The following NSUN2 variants were observed in gnomAD, a reference collection of about 807,000 sequenced individuals.
NSUN2 encodes the protein RNA cytosine C(5)-methyltransferase NSUN2.
A neutral mutation model predicts 92.7 loss-of-function variants in NSUN2; 63 were observed. The ratio of observed to expected loss-of-function variants is 0.68; its 90% CI spans 0.56 to 0.84. The LOEUF is 0.84. Among genes scored for constraint, NSUN2 ranks in the 40% least tolerant of loss-of-function variants. The pLI is 0.00. For missense variants in NSUN2, 989 were observed against 964.9 expected (o/e 1.02, Z -0.33); for synonymous variants, 356 against 348.3 (o/e 1.02, Z -0.25).
chr5:6,607,109 C>A (rs1736807815), intron 13 of NSUN2, 91 bp downstream of exon 13: 5 of 1,376,110 alleles, frequency 3.6e-6, no homozygotes, highest in Non-Finnish European at 5.1e-6. Context: ...CCCCCTCAAA[C>A]CGACCAAGAA....
chr5:6,627,061 G>A (rs1361363892), intron 3 of NSUN2, among the ~76,000 whole-genome samples: 4 of 152,076 alleles, frequency 2.6e-5, no homozygotes, highest in Non-Finnish European at 5.9e-5. Flanking sequence ...AGACGAAACT[G>A]GCTGAATCTG....
At chr5:6,613,746 T>C (rs571149259) in intron 9 of NSUN2, among the ~76,000 whole-genome samples, 2 of 152,288 alleles carry the variant, frequency 1.3e-5, no homozygotes, top group East Asian at 1.9e-4. Flanking sequence ...CATTACCTTG[T>C]CAATTGGTTC....
chr5:6,615,661 C>A (rs551739689), intron 9 of NSUN2, among the ~76,000 whole-genome samples: 1 of 152,208 alleles, frequency 6.6e-6, no homozygotes, highest in African/African-American at 2.4e-5. Flanking sequence ...ACCAGCCAGC[C>A]GCCAAGGGGA....
intron 6 of NSUN2, 80 bp downstream of exon 6, chr5:6,621,936 G>A: frequency 5.7e-6 from 7 of 1,238,876 alleles, no homozygotes; most frequent in Non-Finnish European, 8.3e-6. Flanking sequence ...CAAATTAGCA[G>A]GCAAAGTTAG....
rs959201383 is a variant in NSUN2 at position 6,599,350 on chromosome 5, T to C, written c.*576A>G. 1.3e-5 allele frequency: 2 copies of C among 152,616 alleles called. No individual in the cohort carries two copies. Among genetic ancestry groups the C allele is most frequent in the Non-Finnish European group, 2.9e-5 (2 of 68,056 alleles). 9.5% of individuals were successfully genotyped at this position (152,616 alleles called of 1,614,324 possible). Reference sequence around the variant, plus strand: ...CACATAAGTCCCCCTCAATAATTAGTATGACAATTCACGATACAGCTCTTA... The same window carrying C: ...CACATAAGTCCCCCTCAATAATTAGCATGACAATTCACGATACAGCTCTTA... On this transcript the variant is annotated 3_prime_UTR_variant, in exon 19 of 19. Transcript: ENST00000264670.
chr5:6,600,012 C>G lies in NSUN2; in HGVS notation c.2218G>C (p.Glu740Gln). The stretch of plus-strand genomic sequence containing the variant: ...TCTTCTGCATCTGGGCTGTTGGGCT[C>G]TCCTGCTCTCTGTCCCTCAGTCACG... ...NDVTEGQRAG[E>Q]PNSPDAEEAN... The change falls in exon 19 of 19, where the codon GAG (glutamate) becomes CAG (glutamine). Residue 740 changes from glutamate to glutamine, a missense_variant. Physicochemically the swap from Glu to Gln is conservative, Grantham distance 29. Coordinates refer to ENST00000264670, the MANE Select transcript of NSUN2 (RefSeq NM_017755.6). 6.2e-7 allele frequency: 1 copy of G among 1,614,244 alleles called. No homozygotes were observed. The highest frequency in any genetic ancestry group is 1.3e-5 in the African/African-American group (1 of 75,066).
intron 18 of NSUN2, 96 bp downstream of exon 18, chr5:6,602,365 G>C (rs1267720048): frequency 7.9e-7 from 1 of 1,258,604 alleles, no homozygotes; most frequent in East Asian, 2.3e-5. Flanking sequence ...GCCTGAAGAA[G>C]GTTCCCACCT....
rs1388130729 is a variant in NSUN2, at chr5:6,609,899, T to G, written c.1250A>C (p.Gln417Pro). 1 of 1,612,972 alleles carries G rather than the reference T, an allele frequency of 6.2e-7. No homozygotes were observed. Among genetic ancestry groups the G allele is most frequent in the Non-Finnish European group, 8.5e-7 (1 of 1,179,028 alleles). ...ERCLRILPHH[Q>P]NTGGFFVAVL... ...TGCCACAAAAAACCCTCCAGTATTCTGATGATGGGGTAATATCCTAAGGCT... is the reference window on the plus strand; with the variant it reads ...TGCCACAAAAAACCCTCCAGTATTCGGATGATGGGGTAATATCCTAAGGCT... Residue 417 changes from glutamine (Q) to proline (P), a missense_variant, in exon 12 of 19, where the codon CAG becomes CCG. By Grantham distance (76) the Gln-to-Pro change is moderately conservative (BLOSUM62 -1). Transcript: ENST00000264670.
intron 10 of NSUN2, 81 bp downstream of exon 10, chr5:6,611,640 TCACA>T (rs777200149): frequency 9.8e-6 from 10 of 1,021,792 alleles, no homozygotes; most frequent in Non-Finnish European, 1.5e-5. Flanking sequence ...TTCAAGTTAC[TCACA>T]CGTGAATGCT....
At chr5:6,629,290 G>A (rs1184751862) in intron 3 of NSUN2, among the ~76,000 whole-genome samples, 1 of 152,194 alleles carries the variant, frequency 6.6e-6, no homozygotes, top group Non-Finnish European at 1.5e-5. Flanking sequence ...AGGTGGAAAA[G>A]CAGCTATGAA....
chr5:6,621,341 GTAATAATAATAA>G (rs969505958), intron 6 of NSUN2: 1 of 151,566 alleles, frequency 6.6e-6, no homozygotes, highest in African/African-American at 2.4e-5. Flanking sequence ...AAGGCAGTAA[GTAATAATAATAA>G]TAATAATAGT....
chr5:6,604,254 A>C lies in NSUN2; in HGVS notation c.1841T>G (p.Phe614Cys), dbSNP rs779478752. 2 of 1,598,034 alleles carry C rather than the reference A, an allele frequency of 1.3e-6. No individual in the cohort carries two copies. Among genetic ancestry groups the C allele is most frequent in the South Asian group, 2.2e-5 (2 of 90,498 alleles). The change falls in exon 17 of 19, where the codon TTT (phenylalanine) becomes TGT (cysteine). Residue 614 changes from phenylalanine to cysteine, a missense_variant. This residue lies in a region of NSUN2 where 626 missense variants were observed against 602.3 expected (regional missense o/e 1.04). Coordinates refer to ENST00000264670, the MANE Select transcript of NSUN2 (RefSeq NM_017755.6). ...AQEGIYTLYP[F>C]INSRIITVSM... ...TACAGTAATAATTCTTGAGTTAATA[A>C]ATGGATACAATGTATATATTCCCTG...
chr5:6,629,184 G>A (rs1460341669), intron 3 of NSUN2, among the ~76,000 whole-genome samples: 1 of 152,224 alleles, frequency 6.6e-6, no homozygotes, highest in East Asian at 1.9e-4. Context: ...GCTGTTGGCA[G>A]AGAGCAATTC....
intron 9 of NSUN2, among the ~76,000 whole-genome samples, chr5:6,614,645 T>G (rs1034671268): frequency 6.6e-6 from 1 of 152,086 alleles, no homozygotes; most frequent in African/African-American, 2.4e-5. Context: ...CCTTCAAACG[T>G]TGGCACGTTC....
chr5:6,611,591 G>C, intron 10 of NSUN2, 134 bp downstream of exon 10: 2 of 702,702 alleles, frequency 2.8e-6, no homozygotes, highest in Non-Finnish European at 4.8e-6. Context: ...ATAACACTCC[G>C]AAATTGATTC....
intron 7 of NSUN2, among the ~76,000 whole-genome samples, chr5:6,619,137 C>A (rs1737332889): frequency 6.6e-6 from 1 of 151,920 alleles, no homozygotes; most frequent in African/African-American, 2.4e-5. Context: ...AACATGAGAC[C>A]CCAAGGAATA....
intron 11 of NSUN2, 66 bp from the exon 12 acceptor site, chr5:6,609,988 A>C: frequency 9.3e-7 from 1 of 1,073,434 alleles, no homozygotes; most frequent in Non-Finnish European, 1.4e-6. Flanking sequence ...CTATTAAGAC[A>C]AATACCGCAA....
Position 6,631,977 on chromosome 5 carries a change from G to C in NSUN2, c.255C>G (p.Ser85Arg). 1.9e-6 allele frequency: 3 copies of C among 1,605,488 alleles called. No individual in the cohort carries two copies. Among genetic ancestry groups the C allele is most frequent in the Non-Finnish European group, 2.6e-6 (3 of 1,174,142 alleles). Residue 85 changes from serine to arginine, a missense_variant and splice_region_variant, in exon 3 of 19, where the codon AGC (serine) becomes AGG (arginine). Coordinates refer to ENST00000264670, the MANE Select transcript of NSUN2 (RefSeq NM_017755.6). ...AGCAATGGAGAATCTCTTTTGCGTG[G>C]CTATTGAAAAATAAGGAAGTTTCAA... is the stretch of plus-strand genomic sequence containing the variant. Reference protein sequence around the residue: ...PATLRITGYKSHAKEILHCLK... With the variant: ...PATLRITGYKRHAKEILHCLK...
At chr5:6,623,106 A>G in intron 5 of NSUN2, 108 bp downstream of exon 5, 3 of 851,892 alleles carry the variant, frequency 3.5e-6, no homozygotes, top group Non-Finnish European at 3.6e-6. Context: ...AGTGAAAAGA[A>G]GAAAAAAAGG....
Sources: gnomAD v4.1 joint callset for allele counts (sites outside exome capture counted in the v4.1 genomes callset) on GRCh38, gnomAD v4.1.1 for gene constraint, gnomAD v4.1.1 regional missense constraint, MANE v1.5 for transcripts, NCBI Gene and HGNC (gene_info 2026-07-23, HGNC 2026-07-21) for gene names.